The following TMEM135 variants were observed in gnomAD, a reference collection of about 807,000 sequenced individuals.
TMEM135 encodes transmembrane protein 135.
Under a neutral mutation model 60.3 loss-of-function variants are expected in TMEM135, and 30 were observed. That is an observed-to-expected ratio of 0.50 (90% CI 0.37 to 0.68). The LOEUF (loss-of-function observed/expected upper bound fraction) is 0.68. TMEM135 is among the 30% of genes least tolerant of loss of function. The pLI is 0.00. For missense variants in TMEM135, 468 were observed against 548.8 expected (o/e 0.85, Z 1.47); for synonymous variants, 190 against 186.7 (o/e 1.02, Z -0.14).
At chr11:87,258,853 A>G (rs920749294) in intron 6 of TMEM135, 3 of 788,300 alleles carry the variant, frequency 3.8e-6, no homozygotes, top group Non-Finnish European at 6.6e-6. Flanking sequence ...AACAATCTAG[A>G]TCTTTCCAGG....
At chr11:87,304,751 G>A (rs17759502) in intron 8 of TMEM135, among the ~76,000 whole-genome samples, 33,640 of 152,094 alleles carry the variant, frequency 0.22, 3,849 homozygotes, top group South Asian at 0.25. Flanking sequence ...GCAAGTTATT[G>A]TTATAAACAG....
intron 6 of TMEM135, among the ~76,000 whole-genome samples, chr11:87,274,786 CTG>C (rs10655114): frequency 0.26 from 33,354 of 128,952 alleles, 4,552 homozygotes; most frequent in Non-Finnish European, 0.34. Context: ...CATAGCAAGA[CTG>C]TGTGTGTGTG....
At chr11:87,122,309 G>GTTTTTTTTTTTTTTTTTTTTTTTTAATT (rs11367827) in intron 4 of TMEM135, among the ~76,000 whole-genome samples, 1 of 110,360 alleles carries the variant, frequency 9.1e-6, no homozygotes, top group African/African-American at 3.3e-5. Context: ...GTTTTGCTAG[G>GTTTTTTTTTTTTTTTTTTTTTTTTAATT]TTTTTTTTTT....
rs180759449 is a variant in TMEM135, at chr11:87,207,485, C to G, written c.463-29153C>G. On this transcript the variant is annotated intron_variant, in intron 5 of 14. Coordinates refer to ENST00000305494, the MANE Select transcript of TMEM135 (RefSeq NM_022918.4). ...GCGTATTTCCAGTTTAACAATTTGT[C>G]ATTAAGCAACATTGTTTACTTAATT... Among the ~76,000 whole-genome samples, 6 of 152,180 alleles carry G rather than the reference C, an allele frequency of 3.9e-5. No homozygotes were observed. In the East Asian group the frequency reaches 1.2e-3, roughly 29 times the overall value.
intron 4 of TMEM135, among the ~76,000 whole-genome samples, chr11:87,155,574 GA>G (rs1435548027): frequency 6.6e-6 from 1 of 152,126 alleles, no homozygotes; most frequent in Admixed American, 6.5e-5. Context: ...AGCAGAGAGA[GA>G]TGTTTAAGTT....
intron 6 of TMEM135, among the ~76,000 whole-genome samples, chr11:87,293,935 A>G (rs954325822): frequency 7.9e-5 from 12 of 152,226 alleles, no homozygotes; most frequent in African/African-American, 2.9e-4. Context: ...AGGAATCGCT[A>G]TACTGTCTTC....
chr11:87,073,161 A>G (rs1470774656), intron 3 of TMEM135, among the ~76,000 whole-genome samples: 4 of 152,056 alleles, frequency 2.6e-5, no homozygotes, highest in Admixed American at 6.5e-5. Flanking sequence ...CAGCCTCCCA[A>G]GTAGCTGGGA....
intron 12 of TMEM135, among the ~76,000 whole-genome samples, chr11:87,316,332 A>AT (rs1267043262): frequency 6.6e-6 from 1 of 151,422 alleles, no homozygotes; most frequent in Non-Finnish European, 1.5e-5. Flanking sequence ...GATTGAGAGA[A>AT]TATATACATC....
At chr11:87,114,093 A>G (rs1026980848) in intron 4 of TMEM135, among the ~76,000 whole-genome samples, 1 of 152,232 alleles carries the variant, frequency 6.6e-6, no homozygotes, top group East Asian at 1.9e-4. Context: ...AAGGCAAAAT[A>G]TAGACATTTT....
At chr11:87,049,471 A>T (rs1332983897) in intron 1 of TMEM135, among the ~76,000 whole-genome samples, 7 of 116,818 alleles carry the variant, frequency 6.0e-5, no homozygotes, top group African/African-American at 2.4e-4. Flanking sequence ...ATGGTGGAAG[A>T]TCTACCAAGC....
At chr11:87,208,836 A>G (rs1940297483) in intron 5 of TMEM135, among the ~76,000 whole-genome samples, 2 of 152,314 alleles carry the variant, frequency 1.3e-5, no homozygotes, top group South Asian at 4.1e-4. Flanking sequence ...GTCACTTACA[A>G]TGGGAACCCC....
intron 4 of TMEM135, among the ~76,000 whole-genome samples, chr11:87,117,718 G>A (rs921622616): frequency 3.9e-5 from 6 of 152,158 alleles, no homozygotes; most frequent in South Asian, 2.1e-4. Flanking sequence ...ACCCCTCTAC[G>A]TCATCTATGA....
intron 6 of TMEM135, among the ~76,000 whole-genome samples, chr11:87,279,900 AAT>A (rs1451046458): frequency 2.0e-5 from 3 of 152,330 alleles, no homozygotes; most frequent in East Asian, 3.9e-4. Flanking sequence ...TGCCTGAGTG[AAT>A]AGTGATAAAT....
chr11:87,145,398 CA>C (rs1938386680), intron 4 of TMEM135, among the ~76,000 whole-genome samples: 1 of 152,116 alleles, frequency 6.6e-6, no homozygotes, highest in Non-Finnish European at 1.5e-5. Flanking sequence ...CATAGGGGTG[CA>C]GACATCTCTT....
At chr11:87,131,312 A>G (rs1469307721) in intron 4 of TMEM135, among the ~76,000 whole-genome samples, 1 of 109,602 alleles carries the variant, frequency 9.1e-6, no homozygotes, top group Non-Finnish European at 2.0e-5. Flanking sequence ...CCATTACGGT[A>G]TCATACAGAA....
At chr11:87,292,614 CTTAG>C (rs965756027) in intron 6 of TMEM135, among the ~76,000 whole-genome samples, 3 of 151,716 alleles carry the variant, frequency 2.0e-5, no homozygotes, top group Non-Finnish European at 2.9e-5. Context: ...ATACAATACT[CTTAG>C]TGTCAAAATG....
chr11:87,158,338 T>C (rs1938761090), intron 5 of TMEM135, among the ~76,000 whole-genome samples: 1 of 152,206 alleles, frequency 6.6e-6, no homozygotes, highest in African/African-American at 2.4e-5. Context: ...TAAACAGAAT[T>C]GTATTACTTC....
At chr11:87,155,455 A>T (rs1425423229) in intron 4 of TMEM135, among the ~76,000 whole-genome samples, 1 of 152,154 alleles carries the variant, frequency 6.6e-6, no homozygotes, top group Non-Finnish European at 1.5e-5. Flanking sequence ...TGATTTTTGT[A>T]TATGGTAGAG....
At chr11:87,316,144 A>G (rs564683045) in intron 12 of TMEM135, among the ~76,000 whole-genome samples, 2 of 152,160 alleles carry the variant, frequency 1.3e-5, no homozygotes, top group South Asian at 2.1e-4. Flanking sequence ...GAATGGAGCT[A>G]GAGAATCTCC....
Sources: allele counts gnomAD v4.1 joint callset (sites outside exome capture counted in the v4.1 genomes callset), GRCh38; gene constraint gnomAD v4.1.1; transcripts MANE v1.5; gene names NCBI Gene and HGNC (gene_info 2026-07-23, HGNC 2026-07-21).